INSL6: variants seen among roughly 807,000 people sequenced by gnomAD.
The protein encoded by INSL6 is insulin-like peptide INSL6.
A neutral mutation model predicts 9.4 loss-of-function variants in INSL6; 16 were observed. The observed-to-expected ratio is 1.70, with a 90% CI of 1.15 to 2.59. The LOEUF (loss-of-function observed/expected upper bound fraction) is 2.59, where lower values mean the gene tolerates loss of function less well. INSL6 is among the 30% of genes most tolerant of loss of function. INSL6 has a pLI of 0.00. For synonymous variants in INSL6, 154 were observed against 96.9 expected (o/e 1.59, Z -3.46); for missense variants, 391 against 257.3 (o/e 1.52, Z -3.56).
chr9:5,054,999 T>C, the INSL6 span: 1 of 743,728 alleles, frequency 1.3e-6, no homozygotes, highest in East Asian at 2.7e-5. This position sits in a 1 kb window ranked among gnomAD's most constrained non-coding sequence, Gnocchi z 4.9. Context: ...TTGATAGAAG[T>C]GGAAGTTTTT....
the INSL6 span, chr9:5,085,957 A>G: frequency 8.9e-7 from 1 of 1,119,852 alleles, no homozygotes; most frequent in Non-Finnish European, 1.4e-6. Flanking sequence ...GGATCGGTGT[A>G]TTTCTCACCA....
At chr9:5,030,183 C>A in the INSL6 span, among the ~76,000 whole-genome samples, 1 of 152,052 alleles carries the variant, frequency 6.6e-6, no homozygotes, top group Non-Finnish European at 1.5e-5. Flanking sequence ...ATCACAGTGG[C>A]CTTTATTAAC....
intron 1 of INSL6, among the ~76,000 whole-genome samples, chr9:5,168,470 G>GA (rs1825106545): frequency 6.6e-6 from 1 of 152,036 alleles, no homozygotes; most frequent in Non-Finnish European, 1.5e-5. Context: ...CCAAGTGGAA[G>GA]AAAAAATATC....
At chr9:5,059,541 G>A in the INSL6 span, among the ~76,000 whole-genome samples, 1 of 151,970 alleles carries the variant, frequency 6.6e-6, no homozygotes, top group South Asian at 2.1e-4. Context: ...CATATTTTTT[G>A]GTGGACTTAT....
At chr9:5,163,693 C>T (rs1487906526), downstream of INSL6, among the ~76,000 whole-genome samples, 1 of 152,100 alleles carries the variant, frequency 6.6e-6, no homozygotes, top group Non-Finnish European at 1.5e-5. Flanking sequence ...TGGATCAAAC[C>T]ATCTCCAGAT....
chr9:5,062,500 T>TAAAAAAAAAAAAAAAAAAAAAAAAAA, the INSL6 span, among the ~76,000 whole-genome samples: 9 of 58,244 alleles, frequency 1.5e-4, 3 homozygotes, highest in African/African-American at 9.4e-4. Flanking sequence ...CTTCCATTTG[T>TAAAAAAAAAAAAAAAAAAAAAAAAAA]AAAAAAAAAA....
the INSL6 span, among the ~76,000 whole-genome samples, chr9:5,005,014 G>A: frequency 6.3e-5 from 9 of 142,260 alleles, no homozygotes; most frequent in South Asian, 2.4e-4. Context: ...CCTCCCAAGC[G>A]CAAGTGATCC....
exon 4 of INSL6, among the ~76,000 whole-genome samples, chr9:5,124,107 T>C (rs1823816960): frequency 6.6e-6 from 1 of 151,906 alleles, no homozygotes; most frequent in South Asian, 2.1e-4. Flanking sequence ...TTCTGGATGG[T>C]AGTTCCTTGT....
intron 1 of INSL6, among the ~76,000 whole-genome samples, chr9:5,173,611 G>C (rs1437116882): frequency 6.6e-6 from 1 of 152,086 alleles, no homozygotes; most frequent in Non-Finnish European, 1.5e-5. Flanking sequence ...GCCTGTCAGA[G>C]GGTGGGGTTG....
At chr9:5,110,904 C>T in the INSL6 span, 1 of 555,036 alleles carries the variant, frequency 1.8e-6, no homozygotes, top group Non-Finnish European at 3.4e-6. Flanking sequence ...CCCGCTCTGG[C>T]CCCAAGAGAA....
downstream of INSL6, among the ~76,000 whole-genome samples, chr9:5,160,176 C>CAAAAAAAAAAAAAAAAAAAAAAAGAAAA (rs567544530): frequency 1.2e-5 from 1 of 83,530 alleles, no homozygotes; most frequent in Admixed American, 1.3e-4. Flanking sequence ...AACTCGGTCT[C>CAAAAAAAAAAAAAAAAAAAAAAAGAAAA]AAAAAAAAAA....
chr9:5,043,529 A>G, the INSL6 span, among the ~76,000 whole-genome samples: 1 of 152,206 alleles, frequency 6.6e-6, no homozygotes, highest in Non-Finnish European at 1.5e-5. Context: ...TACTTTGGAA[A>G]ACAGTTTGGC....
chr9:5,077,439 A>G, the INSL6 span: 1 of 973,294 alleles, frequency 1.0e-6, no homozygotes, highest in East Asian at 3.2e-5. Context: ...ATTATTACTT[A>G]TATTTTAATG....
the INSL6 span, chr9:5,077,566 G>A: frequency 1.3e-6 from 2 of 1,484,180 alleles, no homozygotes; most frequent in Admixed American, 2.5e-5. Context: ...GTTGGCATGG[G>A]CCATGCATTT....
chr9:4,996,081 A>G, the INSL6 span, among the ~76,000 whole-genome samples: 1 of 152,240 alleles, frequency 6.6e-6, no homozygotes, highest in Non-Finnish European at 1.5e-5. Flanking sequence ...GGATAAGTTC[A>G]TTTAACATTG....
chr9:5,092,808 G>T, the INSL6 span, among the ~76,000 whole-genome samples: 1 of 152,166 alleles, frequency 6.6e-6, no homozygotes, highest in East Asian at 1.9e-4. Context: ...CTGATAGCTG[G>T]TTGTCCAAGA....
At chr9:5,085,049 T>C in the INSL6 span, 2 of 765,656 alleles carry the variant, frequency 2.6e-6, no homozygotes, top group Non-Finnish European at 2.2e-6. Flanking sequence ...CGTCTCTTTC[T>C]GGGGATGAGA....
Position 5,153,265 on chromosome 9 carries a change from G to A in INSL6, c.376+10914C>T, listed in dbSNP as rs139251263. Among the ~76,000 whole-genome samples the A allele has an allele frequency of 8.1e-4, 124 of 152,152 alleles. 1 individual carries two copies. Among genetic ancestry groups the A allele is most frequent in the African/African-American group, 2.8e-3 (115 of 41,528 alleles). On this transcript the variant is annotated intron_variant, in intron 2 of 3. Transcript: ENST00000649639. ...CTGGCTCTGTGGGTCCCACCCCCAC[G>A]GAGCCCAACAAGCTAAAATCCACTG... is the stretch of plus-strand genomic sequence containing the variant.
At chr9:5,073,472 G>GCT in the INSL6 span, among the ~76,000 whole-genome samples, 1 of 152,086 alleles carries the variant, frequency 6.6e-6, no homozygotes, top group Non-Finnish European at 1.5e-5. Context: ...TACCACTCTT[G>GCT]CTCTCTCTCA....
Sources: allele counts gnomAD v4.1 joint callset (sites outside exome capture counted in the v4.1 genomes callset), GRCh38; gene constraint gnomAD v4.1.1; non-coding constraint Gnocchi (gnomAD v3.1); transcripts MANE v1.5; gene names NCBI Gene and HGNC (gene_info 2026-07-23, HGNC 2026-07-21).